The following ST8SIA2 variants were observed in gnomAD, a reference collection of about 807,000 sequenced individuals.
ST8SIA2 encodes the protein alpha-2,8-sialyltransferase 8B.
A neutral mutation model predicts 37.6 loss-of-function variants in ST8SIA2; 22 were observed. The observed-to-expected ratio is 0.58, with a 90% confidence interval of 0.42 to 0.83. The LOEUF (loss-of-function observed/expected upper bound fraction) is 0.83. Ranked by LOEUF, ST8SIA2 falls within the 40% of genes least tolerant of loss-of-function variation. The pLI is 0.00. For missense variants in ST8SIA2, 382 were observed against 484.7 expected (o/e 0.79, Z 1.99); for synonymous variants, 205 against 201.2 (o/e 1.02, Z -0.16).
chr15:92,394,687 A>C (rs974867745), intron 1 of ST8SIA2, among the ~76,000 whole-genome samples: 5 of 152,028 alleles, frequency 3.3e-5, no homozygotes, highest in Admixed American at 2.0e-4. Flanking sequence ...TGTCCCCTGC[A>C]CACACAGACA....
chr15:92,411,051 C>T (rs1375055431), intron 1 of ST8SIA2, among the ~76,000 whole-genome samples: 4 of 152,198 alleles, frequency 2.6e-5, no homozygotes, highest in Non-Finnish European at 5.9e-5. Context: ...TGGAGCCAGG[C>T]TGTCAAGGGC....
chr15:92,430,962 A>G (rs1157701841), intron 2 of ST8SIA2, among the ~76,000 whole-genome samples: 1 of 152,096 alleles, frequency 6.6e-6, no homozygotes, highest in Non-Finnish European at 1.5e-5. Context: ...TCTTTTCTGT[A>G]TGAGACCTGT....
At chr15:92,434,221 CCT>C (rs2049737988) in intron 2 of ST8SIA2, 24 bp from the exon 3 acceptor site, 4 of 1,613,582 alleles carry the variant, frequency 2.5e-6, no homozygotes, top group Non-Finnish European at 3.4e-6. Flanking sequence ...TCATGTCTAC[CCT>C]CTTTCTTTTT....
At chr15:92,416,005 G>A (rs1003608719) in intron 1 of ST8SIA2, among the ~76,000 whole-genome samples, 2 of 152,180 alleles carry the variant, frequency 1.3e-5, no homozygotes, top group African/African-American at 2.4e-5. Context: ...TCTGAAAGCT[G>A]CAGGGGTCGG....
chr15:92,435,266 G>T (rs1473642941), intron 3 of ST8SIA2, among the ~76,000 whole-genome samples: 1 of 152,178 alleles, frequency 6.6e-6, no homozygotes, highest in South Asian at 2.1e-4. Flanking sequence ...ACTGAGCAAA[G>T]AGTCATTCAT....
chr15:92,451,722 C>A (rs1388359715), intron 5 of ST8SIA2, among the ~76,000 whole-genome samples: 1 of 152,138 alleles, frequency 6.6e-6, no homozygotes. Context: ...GCACGCCATG[C>A]CAAGTAGCAT....
At chr15:92,448,519 A>G (rs2049858581) in intron 5 of ST8SIA2, among the ~76,000 whole-genome samples, 1 of 152,198 alleles carries the variant, frequency 6.6e-6, no homozygotes, top group Non-Finnish European at 1.5e-5. Flanking sequence ...CTAGCATCAA[A>G]ACCATGGGCT....
intron 1 of ST8SIA2, among the ~76,000 whole-genome samples, chr15:92,423,600 G>A (rs996636539): frequency 6.6e-6 from 1 of 152,228 alleles, no homozygotes; most frequent in Non-Finnish European, 1.5e-5. Flanking sequence ...GGCACGTTGA[G>A]CACTGCCTCC....
At chr15:92,448,087 C>G (rs1415458292) in intron 5 of ST8SIA2, among the ~76,000 whole-genome samples, 1 of 152,192 alleles carries the variant, frequency 6.6e-6, no homozygotes, top group African/African-American at 2.4e-5. Context: ...AACTGACTCA[C>G]TTTCATCTGT....
Position 92,427,055 on chromosome 15 carries a change from C to T in ST8SIA2, c.99-2994C>T, listed in dbSNP as rs534040814. ...GTTGTAGTGAGCCGAGATCAGGCCA[C>T]TGCACTGTCCAGCCTGGGTGACAGA... On this transcript the variant is annotated intron_variant, in intron 1 of 5. Transcript: ENST00000268164. 5.9e-5 allele frequency among the ~76,000 whole-genome samples: 9 copies of T among 152,328 alleles called. No individual in the cohort carries two copies. In the South Asian group the frequency reaches 1.9e-3, roughly 32 times the overall value.
chr15:92,462,714 A>G (rs1001771923), intron 5 of ST8SIA2, among the ~76,000 whole-genome samples: 1 of 152,324 alleles, frequency 6.6e-6, no homozygotes. Flanking sequence ...TTGAGGACAG[A>G]AAGATGTGAA....
intron 1 of ST8SIA2, among the ~76,000 whole-genome samples, chr15:92,404,385 T>G (rs1047036987): frequency 1.3e-5 from 2 of 152,156 alleles, no homozygotes; most frequent in African/African-American, 4.8e-5. Flanking sequence ...CTTACAGTGT[T>G]CTGAGGATTA....
At chr15:92,450,668 G>A (rs982508145) in intron 5 of ST8SIA2, among the ~76,000 whole-genome samples, 11 of 152,136 alleles carry the variant, frequency 7.2e-5, no homozygotes, top group East Asian at 3.8e-4. Flanking sequence ...AGTATCCACC[G>A]CATGGTGCTA....
intron 4 of ST8SIA2, among the ~76,000 whole-genome samples, chr15:92,442,114 A>AC (rs2049807662): frequency 6.6e-6 from 1 of 152,224 alleles, no homozygotes; most frequent in East Asian, 1.9e-4. Context: ...TAAATGAAGC[A>AC]ATTCACATCT....
At chr15:92,413,210 A>T (rs2049562436) in intron 1 of ST8SIA2, among the ~76,000 whole-genome samples, 1 of 152,210 alleles carries the variant, frequency 6.6e-6, no homozygotes, top group South Asian at 2.1e-4. Flanking sequence ...AAGGCATGTT[A>T]ATTGAAACAA....
chr15:92,438,319 G>A, intron 3 of ST8SIA2, 34 bp from the exon 4 acceptor site: 1 of 1,614,146 alleles, frequency 6.2e-7, no homozygotes, highest in Non-Finnish European at 8.5e-7. Context: ...CTGGCACCCT[G>A]GAGAATTTCC....
chr15:92,431,625 G>C (rs1303187711), intron 2 of ST8SIA2, among the ~76,000 whole-genome samples: 1 of 152,120 alleles, frequency 6.6e-6, no homozygotes, highest in Admixed American at 6.5e-5. Context: ...AATGGGGGAG[G>C]GGACTGGAAA....
chr15:92,412,992 A>G (rs1282684929), intron 1 of ST8SIA2, among the ~76,000 whole-genome samples: 2 of 143,976 alleles, frequency 1.4e-5, no homozygotes, highest in African/African-American at 5.1e-5. Flanking sequence ...TTGCCCAGTA[A>G]TGGGTAGGTG....
intron 1 of ST8SIA2, 139 bp from the exon 2 acceptor site, chr15:92,429,909 GC>G (rs1158848107): frequency 1.1e-6 from 1 of 885,834 alleles, no homozygotes; most frequent in African/African-American, 1.7e-5. Flanking sequence ...CCAGGACTTT[GC>G]CCATTCTGCA....
Sources: allele counts gnomAD v4.1 joint callset (sites outside exome capture counted in the v4.1 genomes callset), GRCh38; gene constraint gnomAD v4.1.1; transcripts MANE v1.5; gene names NCBI Gene and HGNC (gene_info 2026-07-23, HGNC 2026-07-21).